The following SEMA5A variants were observed in gnomAD, a reference collection of about 807,000 sequenced individuals.
The protein encoded by SEMA5A is semaphorin-5A.
Under a neutral mutation model 135.5 loss-of-function variants are expected in SEMA5A, and 55 were observed. The observed-to-expected ratio is 0.41, with a 90% CI of 0.33 to 0.51. SEMA5A has a LOEUF of 0.51. Ranked by LOEUF, SEMA5A falls within the 20% of genes least tolerant of loss-of-function variation. SEMA5A has a pLI of 0.37. For missense variants in SEMA5A, 1,290 were observed against 1,419.9 expected (o/e 0.91, Z 1.47); for synonymous variants, 580 against 546.5 (o/e 1.06, Z -0.85).
intron 11 of SEMA5A, among the ~76,000 whole-genome samples, chr5:9,162,577 T>TACAC (rs1316347948): frequency 7.8e-6 from 1 of 128,496 alleles, no homozygotes; most frequent in Admixed American, 8.1e-5. Context: ...TATATATATA[T>TACAC]ATATATATAC....
chr5:9,197,747 TGTGTGTGTGTG>T (rs1561011226), intron 9 of SEMA5A, among the ~76,000 whole-genome samples: 30 of 134,250 alleles, frequency 2.2e-4, no homozygotes, highest in African/African-American at 7.9e-4. Context: ...TGTGTGTGTG[TGTGTGTGTGTG>T]TGTGTGTGTG....
At chr5:9,062,659 T>C (rs1403456620) in intron 18 of SEMA5A, among the ~76,000 whole-genome samples, 2 of 152,112 alleles carry the variant, frequency 1.3e-5, no homozygotes, top group Non-Finnish European at 2.9e-5. Context: ...AGGGATGAGG[T>C]CTGGCTATAT....
intron 2 of SEMA5A, among the ~76,000 whole-genome samples, chr5:9,435,103 A>T (rs571742151): frequency 6.6e-6 from 1 of 152,320 alleles, no homozygotes; most frequent in East Asian, 1.9e-4. Flanking sequence ...TTATTTCATC[A>T]TTTAACTATG....
At chr5:9,043,222 A>G (rs1361863730) in intron 22 of SEMA5A, 1 of 472,816 alleles carries the variant, frequency 2.1e-6, no homozygotes, top group Non-Finnish European at 3.7e-6. Flanking sequence ...GCAGTTTGTG[A>G]TATCTTCTGG....
intron 8 of SEMA5A, 65 bp from the exon 9 acceptor site, chr5:9,202,305 G>C (rs1745762051): frequency 6.5e-7 from 1 of 1,536,302 alleles, no homozygotes; most frequent in Non-Finnish European, 8.9e-7. Flanking sequence ...GGTCTTGCCT[G>C]CTCAGTATTT....
intron 15 of SEMA5A, among the ~76,000 whole-genome samples, chr5:9,117,109 G>A (rs1740557249): frequency 1.3e-5 from 2 of 152,236 alleles, no homozygotes; most frequent in Admixed American, 1.3e-4. Context: ...TTTACAAAAG[G>A]AATATTTTAC....
At chr5:9,136,741 T>C (rs1741780697) in intron 12 of SEMA5A, 120 bp from the exon 13 acceptor site, 4 of 780,194 alleles carry the variant, frequency 5.1e-6, no homozygotes, top group South Asian at 3.1e-5. Flanking sequence ...TGAAGCCCAA[T>C]GGGTATTTAG....
chr5:9,494,901 A>G (rs1391810623), intron 1 of SEMA5A, among the ~76,000 whole-genome samples: 1 of 152,228 alleles, frequency 6.6e-6, no homozygotes, highest in African/African-American at 2.4e-5. Flanking sequence ...ATCTGGTTCA[A>G]GTGTTCAAGG....
At chr5:9,122,580 TA>T in intron 14 of SEMA5A, 75 bp downstream of exon 14, 1 of 1,372,816 alleles carries the variant, frequency 7.3e-7, no homozygotes, top group Non-Finnish European at 9.6e-7. Context: ...AGTTATATTA[TA>T]AATGATGTCC....
chr5:9,353,319 G>GAAGGAAAGGA, intron 3 of SEMA5A, among the ~76,000 whole-genome samples: 1 of 40,970 alleles, frequency 2.4e-5, no homozygotes, highest in Non-Finnish European at 5.5e-5. Flanking sequence ...GAAGGGAAAG[G>GAAGGAAAGGA]AAGGAAAGGA....
intron 1 of SEMA5A, among the ~76,000 whole-genome samples, chr5:9,525,413 A>G (rs1737069612): frequency 6.6e-6 from 1 of 152,254 alleles, no homozygotes; most frequent in Non-Finnish European, 1.5e-5. Context: ...TGTCCATCTG[A>G]GACTCCAGAC....
At chr5:9,484,330 G>C (rs1006797712) in intron 1 of SEMA5A, among the ~76,000 whole-genome samples, 33 of 152,252 alleles carry the variant, frequency 2.2e-4, no homozygotes, top group African/African-American at 7.9e-4. Context: ...GCCTCCCACA[G>C]TCAGAATAAT....
chr5:9,211,248 G>A (rs1746330365), intron 8 of SEMA5A, among the ~76,000 whole-genome samples: 1 of 116,932 alleles, frequency 8.6e-6, no homozygotes, highest in Non-Finnish European at 1.7e-5. Context: ...TTCTTTTTAA[G>A]CATCTCCCCA....
At chr5:9,455,841 C>A (rs1339759126) in intron 1 of SEMA5A, among the ~76,000 whole-genome samples, 1 of 152,158 alleles carries the variant, frequency 6.6e-6, no homozygotes, top group Non-Finnish European at 1.5e-5. Context: ...GGAAGGCTTA[C>A]GACCCACTAA....
At chr5:9,060,187 C>A (rs566913645) in intron 18 of SEMA5A, among the ~76,000 whole-genome samples, 1 of 152,212 alleles carries the variant, frequency 6.6e-6, no homozygotes, top group Admixed American at 6.5e-5. Context: ...CAACACTCTG[C>A]AGAATCTTGG....
chr5:9,327,166 TCA>T (rs1235926217), intron 4 of SEMA5A, among the ~76,000 whole-genome samples: 4 of 152,206 alleles, frequency 2.6e-5, no homozygotes, highest in African/African-American at 9.6e-5. Flanking sequence ...CACATTTAAA[TCA>T]CAGTTTTTAA....
chr5:9,264,120 A>G (rs1211490127), intron 5 of SEMA5A, among the ~76,000 whole-genome samples: 3 of 152,252 alleles, frequency 2.0e-5, no homozygotes, highest in Non-Finnish European at 4.4e-5. Context: ...TTTGGAAACC[A>G]TATGGTAAGA....
chr5:9,116,965 A>G (rs1009384029), intron 15 of SEMA5A, among the ~76,000 whole-genome samples: 1 of 152,232 alleles, frequency 6.6e-6, no homozygotes, highest in Non-Finnish European at 1.5e-5. Context: ...GTAGCCCCCT[A>G]GAAAGACTAT....
chr5:9,071,503 G>T (rs953891552), intron 16 of SEMA5A, among the ~76,000 whole-genome samples: 2 of 152,140 alleles, frequency 1.3e-5, no homozygotes, highest in African/African-American at 4.8e-5. Context: ...TTTGGTAAAT[G>T]GATAAATCAT....
Sources: allele counts gnomAD v4.1 joint callset (sites outside exome capture counted in the v4.1 genomes callset), GRCh38; gene constraint gnomAD v4.1.1; transcripts MANE v1.5; gene names NCBI Gene and HGNC (gene_info 2026-07-23, HGNC 2026-07-21).